The following TMEM192 variants were observed in gnomAD, a reference collection of about 807,000 sequenced individuals.
The protein encoded by TMEM192 is transmembrane protein 192.
TMEM192 carries 20 observed loss-of-function variants against 26.7 expected under a neutral mutation model. That is an observed-to-expected ratio of 0.75 (90% CI 0.53 to 1.09). The LOEUF (loss-of-function observed/expected upper bound fraction) is 1.09. TMEM192 is among the 50% of genes least tolerant of loss of function. The pLI, the probability that TMEM192 is intolerant of heterozygous loss-of-function variation, is 0.00. For synonymous variants in TMEM192, 124 were observed against 121.0 expected (o/e 1.02, Z -0.16); for missense variants, 304 against 322.6 (o/e 0.94, Z 0.44).
intron 3 of TMEM192, among the ~76,000 whole-genome samples, chr4:165,099,113 T>TA (rs1434933915): frequency 1.3e-5 from 2 of 149,000 alleles, no homozygotes; most frequent in African/African-American, 4.9e-5. Context: ...TTTTTTTTTT[T>TA]TTTTTTTTTG....
At chr4:165,095,673 T>C (rs1048971131) in intron 3 of TMEM192, among the ~76,000 whole-genome samples, 1 of 152,186 alleles carries the variant, frequency 6.6e-6, no homozygotes, top group Middle Eastern at 3.2e-3. Flanking sequence ...ACCCACATGA[T>C]GGGTTGAAAA....
chr4:165,107,368 A>G (rs1425896104), intron 1 of TMEM192, among the ~76,000 whole-genome samples: 1 of 143,838 alleles, frequency 7.0e-6, no homozygotes, highest in East Asian at 2.1e-4. Context: ...ACAGGGTCTC[A>G]CTCTGTCACC....
rs753092026 is a variant in TMEM192, at chr4:165,100,758, C to G, written c.309G>C (p.Leu103Phe). 9 of 1,613,872 alleles carry G rather than the reference C, an allele frequency of 5.6e-6. No individual in the cohort carries two copies. In the African/African-American group the frequency reaches 9.4e-5, roughly 17 times the overall value. The change falls in exon 3 of 6, where the codon TTG becomes TTC. Residue 103 changes from leucine to phenylalanine, a missense_variant. Leu to Phe is a conservative substitution (Grantham distance 22, BLOSUM62 0). Transcript: ENST00000306480. Reference protein sequence around the residue: ...QTVIILGKVILWILHLLLECY... With the variant: ...QTVIILGKVIFWILHLLLECY... ...ATTCAAGGAGTAAATGGAGAATCCA[C>G]AAAATAACTTTCCCAAGGATTATAA... is the stretch of plus-strand genomic sequence containing the variant.
rs1042123188 is a variant in TMEM192 at position 165,077,873 on chromosome 4, AT to A, written c.*1784del. On this transcript the variant is annotated 3_prime_UTR_variant, in exon 6 of 6. Coordinates refer to ENST00000306480, the MANE Select transcript of TMEM192 (RefSeq NM_001100389.2). ...AAAAAAAACGGAAGGGAGAAAGGAAATTTTAAAAATACAATTTGGCTTTAGT... is the reference window on the plus strand; with the variant it reads ...AAAAAAAACGGAAGGGAGAAAGGAAATTTAAAAATACAATTTGGCTTTAGT... 3.0e-4 allele frequency: 46 copies of A among 151,992 alleles called. No individual in the cohort carries two copies. Among genetic ancestry groups the A allele is most frequent in the African/African-American group, 1.1e-3 (45 of 41,478 alleles). The allele number at this position is 151,992 out of a possible 1,614,324, so 9.4% of individuals were successfully genotyped here.
At chr4:165,097,126 C>A (rs1007522091) in intron 3 of TMEM192, among the ~76,000 whole-genome samples, 7 of 152,112 alleles carry the variant, frequency 4.6e-5, no homozygotes, top group African/African-American at 1.7e-4. Context: ...CTGCTTCACG[C>A]TGATATAGCA....
In TMEM192 at chr4:165,073,107, A is replaced by G. The variant is rs1734305312; in HGVS notation, c.*6551T>C. On this transcript the variant is annotated 3_prime_UTR_variant, in exon 6 of 6. Transcript: ENST00000306480. The stretch of plus-strand genomic sequence containing the variant: ...GTGTCCTGGAAGCCAAGCTGAAATA[A>G]AGAGTCAAGGAGGAAGTGATCAACT... The G allele has an allele frequency of 6.6e-6, 1 of 152,292 alleles. No individual in the cohort carries two copies. Among genetic ancestry groups the G allele is most frequent in the Non-Finnish European group, 1.5e-5 (1 of 68,146 alleles). The allele number at this position is 152,292 out of a possible 1,614,324, so 9.4% of individuals were successfully genotyped here. A position where few individuals can be genotyped will look rare whatever the true frequency, so the allele number is the denominator to read the frequency against.
chr4:165,107,899 C>T (rs1735203251), intron 1 of TMEM192, among the ~76,000 whole-genome samples: 1 of 152,108 alleles, frequency 6.6e-6, no homozygotes, highest in Admixed American at 6.6e-5. Flanking sequence ...TTGTATCTTC[C>T]ATGTCTCTAT....
In TMEM192 at chr4:165,081,388, A is replaced by T. The variant is rs79590243; in HGVS notation, c.678-1592T>A. ...TTTTTTTTTTTGAGACCGAGTCTCT[A>T]TTTTTTTTTTTTTGAGACGGAAACT... On this transcript the variant is annotated intron_variant, in intron 5 of 5. Coordinates refer to ENST00000306480, the MANE Select transcript of TMEM192 (RefSeq NM_001100389.2). 5.5e-3 allele frequency among the ~76,000 whole-genome samples: 768 copies of T among 139,924 alleles called. 9 individuals are homozygous for T. The highest frequency in any genetic ancestry group is 0.027 in the Middle Eastern group (7 of 264). The allele number at this position is 139,924 out of a possible 152,430, so 91.8% of individuals were successfully genotyped here.
At chr4:165,111,886 C>T (rs71618434) in intron 1 of TMEM192, among the ~76,000 whole-genome samples, 2,446 of 152,280 alleles carry the variant, frequency 0.016, 42 homozygotes, top group Non-Finnish European at 0.026. Flanking sequence ...TAGTGCTTTA[C>T]AGTAACTGTC....
intron 2 of TMEM192, among the ~76,000 whole-genome samples, chr4:165,101,271 C>T (rs956685518): frequency 1.3e-5 from 2 of 151,908 alleles, no homozygotes; most frequent in African/African-American, 4.8e-5. Flanking sequence ...CCACCGCACC[C>T]GGCTTCCCAG....
intron 4 of TMEM192, among the ~76,000 whole-genome samples, chr4:165,086,074 A>G (rs1734608718): frequency 6.6e-6 from 1 of 152,168 alleles, no homozygotes; most frequent in Non-Finnish European, 1.5e-5. Flanking sequence ...ACAGATAATA[A>G]TCCTACATTC....
chr4:165,102,418 C>T (rs770286318), intron 2 of TMEM192, among the ~76,000 whole-genome samples: 5 of 152,064 alleles, frequency 3.3e-5, no homozygotes, highest in Non-Finnish European at 5.9e-5. Context: ...TCTGTGAATG[C>T]TTCTAGAAAT....
chr4:165,111,453 G>A (rs1313037306), intron 1 of TMEM192, among the ~76,000 whole-genome samples: 1 of 152,198 alleles, frequency 6.6e-6, no homozygotes, highest in Non-Finnish European at 1.5e-5. Context: ...AAAGCTAAAA[G>A]CTACAGATCC....
intron 2 of TMEM192, among the ~76,000 whole-genome samples, chr4:165,101,845 G>A (rs942851630): frequency 2.0e-5 from 3 of 152,168 alleles, no homozygotes; most frequent in African/African-American, 7.2e-5. Context: ...CAGCTGCAGG[G>A]GAAGCCAGGA....
chr4:165,110,474 C>G (rs540657580), intron 1 of TMEM192, among the ~76,000 whole-genome samples: 1 of 152,322 alleles, frequency 6.6e-6, no homozygotes, highest in Admixed American at 6.5e-5. Flanking sequence ...AATCCCAACA[C>G]TTTGGGAGGC....
At chr4:165,081,013 C>A (rs1349223454) in intron 5 of TMEM192, among the ~76,000 whole-genome samples, 2 of 151,934 alleles carry the variant, frequency 1.3e-5, no homozygotes, top group African/African-American at 4.8e-5. Context: ...CCGCGCCCAG[C>A]CAATAACCAC....
intron 1 of TMEM192, among the ~76,000 whole-genome samples, chr4:165,107,977 G>A (rs1735206543): frequency 6.6e-6 from 1 of 152,062 alleles, no homozygotes; most frequent in South Asian, 2.1e-4. Context: ...TCTAGCCTAT[G>A]TCATGTCTGA....
At chr4:165,088,717 A>G (rs1734683837) in intron 3 of TMEM192, 115 bp from the exon 4 acceptor site, 2 of 1,070,998 alleles carry the variant, frequency 1.9e-6, no homozygotes, top group South Asian at 3.9e-5. Flanking sequence ...AAACACTTGT[A>G]ATTTCCTGAG....
chr4:165,108,747 C>T (rs1002573322), intron 1 of TMEM192, among the ~76,000 whole-genome samples: 5 of 152,168 alleles, frequency 3.3e-5, no homozygotes, highest in African/African-American at 1.2e-4. Flanking sequence ...AGGCGCAGGG[C>T]CAGGGGGCTC....
Sources: gnomAD v4.1 joint callset for allele counts (sites outside exome capture counted in the v4.1 genomes callset) on GRCh38, gnomAD v4.1.1 for gene constraint, MANE v1.5 for transcripts, NCBI Gene and HGNC (gene_info 2026-07-23, HGNC 2026-07-21) for gene names.